Variants in PLEKHH1 observed in about 807,000 individuals in gnomAD.
PLEKHH1 encodes the protein pleckstrin homology, MyTH4 and FERM domain containing H1, also known as pleckstrin homology domain-containing family H member 1.
PLEKHH1 carries 104 observed loss-of-function variants against 160.0 expected under a neutral mutation model. The observed-to-expected ratio is 0.65, with a 90% confidence interval of 0.55 to 0.76. The LOEUF (loss-of-function observed/expected upper bound fraction) is 0.76. Ranked by LOEUF, PLEKHH1 falls within the 30% of genes least tolerant of loss-of-function variation. The pLI, the probability that PLEKHH1 is intolerant of heterozygous loss-of-function variation, is 0.00. For missense variants in PLEKHH1, 1,427 were observed against 1,724.1 expected (o/e 0.83, Z 3.05); for synonymous variants, 619 against 678.4 (o/e 0.91, Z 1.36).
chr14:67,553,861 C>T (rs1232966084), intron 2 of PLEKHH1, among the ~76,000 whole-genome samples: 1 of 152,286 alleles, frequency 6.6e-6, no homozygotes, highest in South Asian at 2.1e-4. Flanking sequence ...CAGAACCAAC[C>T]CACCCACTCA....
In PLEKHH1 at chr14:67,570,094, T is replaced by C. The variant is rs888756769; in HGVS notation, c.1434+82T>C. The C allele has an allele frequency of 2.4e-5, 24 of 987,612 alleles. 1 individual carries two copies. The highest frequency in any genetic ancestry group is 3.8e-5 in the Non-Finnish European group (24 of 638,124). 61.2% of individuals were successfully genotyped at this position (987,612 alleles called of 1,614,324 possible). The stretch of plus-strand genomic sequence containing the variant: ...TCATCCAATGACTGGGGCGGGGCTC[T>C]AGGGCCAGGCTTCTGCACATGGTGA... On this transcript the variant is annotated intron_variant, in intron 9 of 28. Coordinates refer to ENST00000329153, the MANE Select transcript of PLEKHH1 (RefSeq NM_020715.3).
At chr14:67,560,426 T>A (rs1258868154) in intron 5 of PLEKHH1, among the ~76,000 whole-genome samples, 1 of 152,240 alleles carries the variant, frequency 6.6e-6, no homozygotes, top group Non-Finnish European at 1.5e-5. Context: ...AGCAATTCAG[T>A]GGCATTAAGT....
chr14:67,556,420 G>A (rs1483631997), intron 3 of PLEKHH1, among the ~76,000 whole-genome samples: 1 of 152,210 alleles, frequency 6.6e-6, no homozygotes, highest in African/African-American at 2.4e-5. Flanking sequence ...ACAGGCGTGA[G>A]CCACTGTGCC....
intron 21 of PLEKHH1, 154 bp from the exon 22 acceptor site, chr14:67,579,567 T>C (rs1166373755): frequency 2.2e-5 from 16 of 726,598 alleles, no homozygotes; most frequent in Middle Eastern, 2.8e-4. Context: ...CCTCATGCAC[T>C]GGCCCTTTGC....
chr14:67,569,068 T>C (rs1285785510), intron 7 of PLEKHH1, 70 bp from the exon 8 acceptor site: 1 of 1,072,480 alleles, frequency 9.3e-7, no homozygotes, highest in Non-Finnish European at 1.4e-6. Context: ...TGCTTTTTCC[T>C]GCACATGCCT....
chr14:67,569,072 C>A, intron 7 of PLEKHH1, 66 bp from the exon 8 acceptor site: 1 of 1,110,382 alleles, frequency 9.0e-7, no homozygotes, highest in Non-Finnish European at 1.4e-6. Flanking sequence ...TTTTCCTGCA[C>A]ATGCCTGGAG....
chr14:67,555,912 G>A (rs936968235), intron 3 of PLEKHH1, 25 bp downstream of exon 3: 14 of 1,610,760 alleles, frequency 8.7e-6, no homozygotes, highest in Non-Finnish European at 1.2e-5. Context: ...GGATCGGCGG[G>A]AATATGCAGG....
intron 2 of PLEKHH1, among the ~76,000 whole-genome samples, chr14:67,547,247 G>A (rs2034216791): frequency 6.6e-6 from 1 of 152,162 alleles, no homozygotes; most frequent in African/African-American, 2.4e-5. Flanking sequence ...CATGGGGTGG[G>A]AGACTTAAGA....
chr14:67,548,418 C>T (rs2034263336), intron 2 of PLEKHH1, among the ~76,000 whole-genome samples: 1 of 152,186 alleles, frequency 6.6e-6, no homozygotes, highest in African/African-American at 2.4e-5. Context: ...AAGAAATAGG[C>T]CAGGAGTGGT....
chr14:67,583,871 C>G lies in PLEKHH1; in HGVS notation c.3557C>G (p.Ala1186Gly). Residue 1186 changes from alanine to glycine, a missense_variant, in exon 25 of 29, where the codon GCT becomes GGT. Transcript: ENST00000329153. ...AGGCGCTATAGACATGGGGCCCCCG[C>G]TGAACAGCTGAGGTAGGTAGGCTAC... ...HPRRYRHGAP[A>G]EQLRHLADML... The G allele has an allele frequency of 6.2e-7, 1 of 1,613,796 alleles. No homozygotes were observed. The highest frequency in any genetic ancestry group is 8.5e-7 in the Non-Finnish European group (1 of 1,179,764).
chr14:67,563,204 G>A (rs1566741270), intron 7 of PLEKHH1, among the ~76,000 whole-genome samples: 1 of 152,194 alleles, frequency 6.6e-6, no homozygotes, highest in Non-Finnish European at 1.5e-5. Context: ...TGGTATGATG[G>A]TCAAGAGCAT....
chr14:67,580,847 C>A, intron 22 of PLEKHH1, 91 bp from the exon 23 acceptor site: 3 of 804,124 alleles, frequency 3.7e-6, no homozygotes, highest in Non-Finnish European at 6.3e-6. Flanking sequence ...GTTTTCTTTG[C>A]TCTTCTGCTC....
chr14:67,573,953 G>A lies in PLEKHH1; in HGVS notation c.1926+66G>A. On this transcript the variant is annotated intron_variant, in intron 13 of 28. Transcript: ENST00000329153. This position sits in a 1 kb window ranked among gnomAD's most constrained non-coding sequence, Gnocchi z 4.8. ...GTGCTGGGTTTGGATATGGCCGTGA[G>A]TGAGACAAAGATGGGGCCAAATGAG... 8.5e-7 allele frequency: 1 copy of A among 1,171,222 alleles called. No homozygotes were observed. Among genetic ancestry groups the A allele is most frequent in the South Asian group, 1.2e-5 (1 of 81,798 alleles). The allele number at this position is 1,171,222 out of a possible 1,614,324, so 72.6% of individuals were successfully genotyped here. A position where few individuals can be genotyped will look rare whatever the true frequency, so the allele number is the denominator to read the frequency against.
chr14:67,541,297 C>A (rs1354009900), intron 1 of PLEKHH1, among the ~76,000 whole-genome samples: 1 of 152,166 alleles, frequency 6.6e-6, no homozygotes, highest in Non-Finnish European at 1.5e-5. Flanking sequence ...CATCTGTTAC[C>A]CACTTTAAGC....
chr14:67,546,493 C>T (rs549941748), intron 2 of PLEKHH1, among the ~76,000 whole-genome samples: 3 of 152,286 alleles, frequency 2.0e-5, no homozygotes, highest in East Asian at 1.9e-4. Flanking sequence ...TGGGTTCAAG[C>T]GATTCTCCTG....
chr14:67,562,254 C>A lies in PLEKHH1; in HGVS notation c.623C>A (p.Ala208Asp). 6.2e-7 allele frequency: 1 copy of A among 1,613,122 alleles called. No homozygotes were observed. The highest frequency in any genetic ancestry group is 8.5e-7 in the Non-Finnish European group (1 of 1,179,486). Residue 208 changes from alanine (A) to aspartate (D), a missense_variant, in exon 7 of 29, where the codon GCC becomes GAC. Around this residue, in one of 6 missense-constraint regions of PLEKHH1, gnomAD observed 831 missense variants for 929.2 expected, o/e 0.89. Coordinates refer to ENST00000329153, the MANE Select transcript of PLEKHH1 (RefSeq NM_020715.3). ...ATGGGCCAGGACAGTGGCTCCCAGG[C>A]CCAGGGTCTGAAGGCAGCTGTGCTT... is the stretch of plus-strand genomic sequence containing the variant. ...QPMGQDSGSQ[A>D]QGLKAAVLAP...
intron 15 of PLEKHH1, 105 bp from the exon 16 acceptor site, chr14:67,575,718 G>T: frequency 2.3e-6 from 2 of 864,462 alleles, no homozygotes; most frequent in Non-Finnish European, 3.7e-6. Context: ...CCTGTCATCG[G>T]TCCATATCCA....
chr14:67,556,612 G>A, intron 3 of PLEKHH1, among the ~76,000 whole-genome samples: 1 of 152,154 alleles, frequency 6.6e-6, no homozygotes, highest in Non-Finnish European at 1.5e-5. Flanking sequence ...GCCCAGCGGG[G>A]TGTGACGGTA....
chr14:67,537,346 A>AAAT (rs111429286), intron 1 of PLEKHH1, among the ~76,000 whole-genome samples: 2,534 of 126,570 alleles, frequency 0.02, 72 homozygotes, highest in African/African-American at 0.051. Context: ...TCCATCTCAA[A>AAAT]AATAATAATA....
Sources: gnomAD v4.1 joint callset for allele counts (sites outside exome capture counted in the v4.1 genomes callset) on GRCh38, gnomAD v4.1.1 for gene constraint, gnomAD v4.1.1 regional missense constraint, Gnocchi (gnomAD v3.1) non-coding constraint, MANE v1.5 for transcripts, NCBI Gene and HGNC (gene_info 2026-07-23, HGNC 2026-07-21) for gene names.